P2RX1: variants seen among roughly 807,000 people sequenced by gnomAD.
The protein encoded by P2RX1 is P2X purinoceptor 1.
In P2RX1, 42 loss-of-function variants were observed where a neutral mutation model predicts 50.3. The observed-to-expected ratio is 0.83, with a 90% confidence interval of 0.65 to 1.08. The LOEUF (loss-of-function observed/expected upper bound fraction) is 1.08. P2RX1 is among the 50% of genes least tolerant of loss of function. The pLI is 0.00. For missense variants in P2RX1, 449 were observed against 529.0 expected (o/e 0.85, Z 1.48); for synonymous variants, 199 against 202.6 (o/e 0.98, Z 0.15).
At chr17:3,904,051 G>T (rs763049456) in intron 4 of P2RX1, 27 bp from the exon 5 acceptor site, 3 of 1,578,804 alleles carry the variant, frequency 1.9e-6, no homozygotes, top group Non-Finnish European at 2.6e-6. Flanking sequence ...ACCCCTGGGT[G>T]CCTGCACTAA....
chr17:3,905,117 G>C, intron 2 of P2RX1, 103 bp downstream of exon 2: 1 of 1,482,870 alleles, frequency 6.7e-7, no homozygotes, highest in South Asian at 1.2e-5. Flanking sequence ...GAGGTCCAGA[G>C]AGAAAGAGGA....
Position 3,897,654 on chromosome 17 carries a change from G to A in P2RX1, c.*160C>T, listed in dbSNP as rs2056055076. On this transcript the variant is annotated 3_prime_UTR_variant, in exon 12 of 12. Transcript: ENST00000225538. ...GGAGCCGGAGCTCAGATTTGCACAG[G>A]TCTCTCCTACTATGCACCCTGAGCT... is the stretch of plus-strand genomic sequence containing the variant. The A allele has an allele frequency of 5.8e-6, 4 of 690,022 alleles. No individual in the cohort carries two copies. Among genetic ancestry groups the A allele is most frequent in the Non-Finnish European group, 1.0e-5 (4 of 386,772 alleles). 42.7% of individuals were successfully genotyped at this position (690,022 alleles called of 1,614,324 possible).
chr17:3,915,534 C>T (rs1222136683), intron 1 of P2RX1: 3 of 456,550 alleles, frequency 6.6e-6, no homozygotes, highest in Non-Finnish European at 1.3e-5. Context: ...GGGACCAGAA[C>T]CAATCTCTGT....
intron 1 of P2RX1, among the ~76,000 whole-genome samples, chr17:3,912,004 C>T (rs1470195356): frequency 2.6e-5 from 4 of 152,220 alleles, no homozygotes; most frequent in Non-Finnish European, 4.4e-5. Context: ...TCTTGTGCCT[C>T]GGGAGTGGCT....
In P2RX1 at chr17:3,903,138, A is replaced by T; in HGVS notation, c.747+64T>A. On this transcript the variant is annotated intron_variant, in intron 7 of 11. Transcript: ENST00000225538. The surrounding 1 kb of genome is among the most constrained non-coding windows in gnomAD (Gnocchi z 4.6). ...AGACTTGGGAAGATGAACTGGGCCT[A>T]AAAAGCCTTTATCAGGATCCTGCGG... 1 of 1,606,818 alleles carries T rather than the reference A, an allele frequency of 6.2e-7. No homozygotes were observed. Among genetic ancestry groups the T allele is most frequent in the Non-Finnish European group, 8.5e-7 (1 of 1,176,078 alleles).
Position 3,897,672 on chromosome 17 carries a change from C to G in P2RX1, c.*142G>C, listed in dbSNP as rs2056055471. Reference sequence around the variant, plus strand: ...TGCACAGGTCTCTCCTACTATGCACCCTGAGCTTCTGGCAAACTGCTCTCT... The same window carrying G: ...TGCACAGGTCTCTCCTACTATGCACGCTGAGCTTCTGGCAAACTGCTCTCT... On this transcript the variant is annotated 3_prime_UTR_variant, in exon 12 of 12. Transcript: ENST00000225538. The G allele has an allele frequency of 1.1e-5, 8 of 749,794 alleles. No individual in the cohort carries two copies. Among genetic ancestry groups the G allele is most frequent in the South Asian group, 7.5e-5 (5 of 66,854 alleles). The allele number at this position is 749,794 out of a possible 1,614,324, so 46.4% of individuals were successfully genotyped here. A position where few individuals can be genotyped will look rare whatever the true frequency, so the allele number is the denominator to read the frequency against.
chr17:3,904,963 G>GGGGGCC (rs1567653707), intron 2 of P2RX1, 34 bp from the exon 3 acceptor site: 5 of 435,292 alleles, frequency 1.1e-5, no homozygotes, highest in African/African-American at 2.1e-5. Flanking sequence ...GGTGGGGTGG[G>GGGGGCC]CTGGGAGCTG....
chr17:3,903,486 C>T lies in P2RX1; in HGVS notation c.605+65G>A. ...CAGCAGGAATGGAGGGAGACAGAGACAGCTGAGAGCTGCCGGAGCGGCCCC... is the reference window on the plus strand; with the variant it reads ...CAGCAGGAATGGAGGGAGACAGAGATAGCTGAGAGCTGCCGGAGCGGCCCC... On this transcript the variant is annotated intron_variant, in intron 6 of 11. Transcript: ENST00000225538. The surrounding 1 kb of genome is among the most constrained non-coding windows in gnomAD (Gnocchi z 4.6). 2 of 1,594,834 alleles carry T rather than the reference C, an allele frequency of 1.3e-6. No homozygotes were observed. The highest frequency in any genetic ancestry group is 1.7e-6 in the Non-Finnish European group (2 of 1,163,650).
At chr17:3,899,429 G>A (rs1444954463) in intron 8 of P2RX1, among the ~76,000 whole-genome samples, 4 of 150,798 alleles carry the variant, frequency 2.7e-5, no homozygotes, top group Non-Finnish European at 3.0e-5. Context: ...GGGCCTGAAG[G>A]GGTCTGAGAC....
In P2RX1 at chr17:3,896,903, T is replaced by C. The variant is rs1373851827; in HGVS notation, c.*911A>G. 2.0e-5 allele frequency: 3 copies of C among 152,284 alleles called. No homozygotes were observed. The highest frequency in any genetic ancestry group is 2.1e-4 in the South Asian group (1 of 4,840). 9.4% of individuals were successfully genotyped at this position (152,284 alleles called of 1,614,324 possible). On this transcript the variant is annotated 3_prime_UTR_variant, in exon 12 of 12. Transcript: ENST00000225538. ...GGGCCCAAGCTGTTCACATACACAG[T>C]GTGGAAGGATGCTGTGTGCACGTAG...
At position 3,905,204 on chromosome 17, in the gene P2RX1, A is replaced by AGGTGCAGC. The variant is rs775038492; in HGVS notation, c.285+15_285+16insGCTGCACC. The AGGTGCAGC allele has an allele frequency of 9.3e-6, 15 of 1,610,402 alleles. No homozygotes were observed. The highest frequency in any genetic ancestry group is 4.0e-5 in the African/African-American group (3 of 74,850). ...CAGGCCCTGTGAGGGGAAGGTGCAA[A>AGGTGCAGC]CCTGAGCCAGCTCACCTGGGCTGGG... On this transcript the variant is annotated intron_variant, in intron 2 of 11. Coordinates refer to ENST00000225538, the MANE Select transcript of P2RX1 (RefSeq NM_002558.4).
chr17:3,897,457 A>G lies in P2RX1; in HGVS notation c.*357T>C, dbSNP rs2056050178. 1 of 396,618 alleles carries G rather than the reference A, an allele frequency of 2.5e-6. No homozygotes were observed. The highest frequency in any genetic ancestry group is 4.7e-6 in the Non-Finnish European group (1 of 211,024). 24.6% of individuals were successfully genotyped at this position (396,618 alleles called of 1,614,324 possible). On this transcript the variant is annotated 3_prime_UTR_variant, in exon 12 of 12. Transcript: ENST00000225538. ...GTCACCTATGGTTACTGACTGCCACATCGGAGAGCACAGATCTAGAGAAAT... is the reference window on the plus strand; with the variant it reads ...GTCACCTATGGTTACTGACTGCCACGTCGGAGAGCACAGATCTAGAGAAAT...
chr17:3,898,381 CAGTT>C (rs1454265491), intron 10 of P2RX1, 99 bp downstream of exon 10: 13 of 938,278 alleles, frequency 1.4e-5, no homozygotes, highest in African/African-American at 6.5e-5. Context: ...AAATGATAGA[CAGTT>C]AGGGTCAAGT....
chr17:3,909,386 T>C (rs2056324505), intron 1 of P2RX1, among the ~76,000 whole-genome samples: 1 of 152,158 alleles, frequency 6.6e-6, no homozygotes, highest in Non-Finnish European at 1.5e-5. Flanking sequence ...GCACATATAA[T>C]GAAAACCTCC....
At chr17:3,906,293 A>G (rs1009540215) in intron 1 of P2RX1, among the ~76,000 whole-genome samples, 2 of 152,058 alleles carry the variant, frequency 1.3e-5, no homozygotes, top group Non-Finnish European at 2.9e-5. Context: ...CACCACGCCC[A>G]GCTAATTTTT....
intron 1 of P2RX1, among the ~76,000 whole-genome samples, chr17:3,906,813 A>G (rs1277893244): frequency 6.6e-6 from 1 of 152,226 alleles, no homozygotes; most frequent in African/African-American, 2.4e-5. Flanking sequence ...AGGCTTGCCA[A>G]TCAATGTTCC....
At chr17:3,913,842 C>A (rs1285809915) in intron 1 of P2RX1, among the ~76,000 whole-genome samples, 1 of 144,808 alleles carries the variant, frequency 6.9e-6, no homozygotes, top group African/African-American at 2.6e-5. Flanking sequence ...CAGCAAAGTG[C>A]TGAGCTGAGT....
Position 3,897,994 on chromosome 17 carries a change from G to T in P2RX1, c.1134+15C>A, listed in dbSNP as rs756041265. 3.7e-6 allele frequency: 6 copies of T among 1,612,038 alleles called. No homozygotes were observed. Among genetic ancestry groups the T allele is most frequent in the Non-Finnish European group, 5.1e-6 (6 of 1,178,480 alleles). ...CGGAGGCCTTCGAAGGGCCTGGCTC[G>T]GGGGGTTCTCTTACCGCCCCTGGCC... is the stretch of plus-strand genomic sequence containing the variant. On this transcript the variant is annotated intron_variant, in intron 11 of 11. Coordinates refer to ENST00000225538, the MANE Select transcript of P2RX1 (RefSeq NM_002558.4).
intron 7 of P2RX1, among the ~76,000 whole-genome samples, chr17:3,901,581 A>T (rs565080380): frequency 1.3e-5 from 2 of 152,190 alleles, no homozygotes; most frequent in Non-Finnish European, 2.9e-5. Flanking sequence ...AGCTGAAAAT[A>T]GTTACTATCT....
Sources: allele counts gnomAD v4.1 joint callset (sites outside exome capture counted in the v4.1 genomes callset), GRCh38; gene constraint gnomAD v4.1.1; non-coding constraint Gnocchi (gnomAD v3.1); transcripts MANE v1.5; gene names NCBI Gene and HGNC (gene_info 2026-07-23, HGNC 2026-07-21).